NBEA: variants seen among roughly 807,000 people sequenced by gnomAD.
NBEA encodes the protein neurobeachin.
In NBEA, 44 loss-of-function variants were observed where a neutral mutation model predicts 343.4. The ratio of observed to expected loss-of-function variants is 0.13; its 90% CI spans 0.10 to 0.16. The LOEUF (loss-of-function observed/expected upper bound fraction) is 0.16, where lower values mean the gene tolerates loss of function less well. Among genes scored for constraint, NBEA ranks in the 10% least tolerant of loss-of-function variants. The pLI, the probability that NBEA is intolerant of heterozygous loss-of-function variation, is 1.00. For missense variants in NBEA, 2,555 were observed against 3,631.3 expected (o/e 0.70, Z 7.62); for synonymous variants, 1,175 against 1,238.7 (o/e 0.95, Z 1.08).
chr13:35,049,697 C>G lies in NBEA; in HGVS notation c.846-572C>G, dbSNP rs1410286759. On this transcript the variant is annotated intron_variant, in intron 5 of 58. Coordinates refer to ENST00000379939, the MANE Select transcript of NBEA (RefSeq NM_001385012.1). ...CATTTTTCAGTGATTAAACATTTTT[C>G]TACATCGTGATAAATTTACAGCTAA... 9.9e-5 allele frequency among the ~76,000 whole-genome samples: 15 copies of G among 151,850 alleles called. No individual in the cohort carries two copies. The East Asian group carries it at 2.9e-3, about 29-fold the overall frequency.
rs73488140 is a variant in NBEA, at chr13:34,949,212, A to C, written c.294+6098A>C. Reference sequence around the variant, plus strand: ...GCCTCCTCACCCAGTTTATTGTTTCACATTGCTTCAAGGAAGATCATTAAG... The same window carrying C: ...GCCTCCTCACCCAGTTTATTGTTTCCCATTGCTTCAAGGAAGATCATTAAG... On this transcript the variant is annotated intron_variant, in intron 1 of 58. Coordinates refer to ENST00000379939, the MANE Select transcript of NBEA (RefSeq NM_001385012.1). Among the ~76,000 whole-genome samples, 968 of 152,270 alleles carry C rather than the reference A, an allele frequency of 6.4e-3. 11 individuals are homozygous for C. Among genetic ancestry groups the C allele is most frequent in the African/African-American group, 0.022 (927 of 41,554 alleles).
At chr13:35,266,648 TAG>T (rs1324316591) in intron 34 of NBEA, among the ~76,000 whole-genome samples, 1 of 151,718 alleles carries the variant, frequency 6.6e-6, no homozygotes, top group Admixed American at 6.6e-5. Context: ...CTCATAGGTA[TAG>T]AGAGTGGAAT....
chr13:35,367,597 T>G (rs541099928), intron 38 of NBEA, among the ~76,000 whole-genome samples: 1 of 151,290 alleles, frequency 6.6e-6, no homozygotes, highest in Non-Finnish European at 1.5e-5. Flanking sequence ...TTACCATTAT[T>G]CAGTAAGTAG....
chr13:35,292,114 G>C (rs987395066), intron 35 of NBEA, among the ~76,000 whole-genome samples: 2 of 151,794 alleles, frequency 1.3e-5, no homozygotes. Context: ...TATTTTTAAT[G>C]AAACAAATAA....
chr13:35,549,796 G>C (rs1020058182), intron 41 of NBEA, among the ~76,000 whole-genome samples: 4 of 152,204 alleles, frequency 2.6e-5, no homozygotes, highest in African/African-American at 9.7e-5. Context: ...AAGGGAATTT[G>C]GGGAAGCAGG....
chr13:35,246,844 C>G (rs2031276633), intron 34 of NBEA, among the ~76,000 whole-genome samples: 1 of 152,078 alleles, frequency 6.6e-6, no homozygotes, highest in Non-Finnish European at 1.5e-5. Flanking sequence ...GGGCAGGGCC[C>G]TAGATCTCCA....
Position 35,654,813 on chromosome 13 carries a change from T to A in NBEA, c.8036-42T>A, listed in dbSNP as rs2084733634. On this transcript the variant is annotated intron_variant, in intron 53 of 58. Transcript: ENST00000379939. Reference sequence around the variant, plus strand: ...TTCTTTGAGTGCTTGGCAAAACTCATATGGAATCTTTCTTCAAATGCTTTT... The same window carrying A: ...TTCTTTGAGTGCTTGGCAAAACTCAAATGGAATCTTTCTTCAAATGCTTTT... The A allele has an allele frequency of 6.6e-6, 10 of 1,520,306 alleles. No homozygotes were observed. The East Asian group carries it at 2.5e-4, about 38-fold the overall frequency. 94.2% of individuals were successfully genotyped at this position (1,520,306 alleles called of 1,614,324 possible). A position where few individuals can be genotyped will look rare whatever the true frequency, so the allele number is the denominator to read the frequency against.
intron 25 of NBEA, among the ~76,000 whole-genome samples, chr13:35,170,090 G>A (rs570114957): frequency 3.3e-5 from 5 of 151,828 alleles, no homozygotes; most frequent in African/African-American, 7.2e-5. Flanking sequence ...GCTTGTAGTA[G>A]CCACCTATCC....
At position 35,252,270 on chromosome 13, in the gene NBEA, C is replaced by G. The variant is rs150867466; in HGVS notation, c.5776+19651C>G. Reference sequence around the variant, plus strand: ...AGAACCCCTTATGAAACCATCAGATCTCATGAGAAGTCACTGTCCCGTGAA... The same window carrying G: ...AGAACCCCTTATGAAACCATCAGATGTCATGAGAAGTCACTGTCCCGTGAA... On this transcript the variant is annotated intron_variant, in intron 34 of 58. Coordinates refer to ENST00000379939, the MANE Select transcript of NBEA (RefSeq NM_001385012.1). Among the ~76,000 whole-genome samples the G allele has an allele frequency of 4.6e-3, 698 of 152,298 alleles. 6 individuals carry two copies. The highest frequency in any genetic ancestry group is 0.02 in the Middle Eastern group (6 of 294).
intron 1 of NBEA, among the ~76,000 whole-genome samples, chr13:34,948,756 A>G (rs918458654): frequency 6.6e-6 from 1 of 152,112 alleles, no homozygotes; most frequent in Admixed American, 6.6e-5. Context: ...ATCTTTGTCA[A>G]TGGAACTACT....
intron 1 of NBEA, among the ~76,000 whole-genome samples, chr13:34,986,086 G>A (rs1438658245): frequency 6.6e-6 from 1 of 150,492 alleles, no homozygotes; most frequent in African/African-American, 2.4e-5. Flanking sequence ...GCTTTTGAAT[G>A]TGTTTGCTCT....
intron 7 of NBEA, among the ~76,000 whole-genome samples, chr13:35,056,799 G>A (rs1054299139): frequency 6.6e-6 from 1 of 152,136 alleles, no homozygotes; most frequent in African/African-American, 2.4e-5. Flanking sequence ...ATCTTACTCA[G>A]CTTAAAAATC....
At chr13:35,005,485 C>G (rs988511652) in intron 1 of NBEA, among the ~76,000 whole-genome samples, 5 of 152,118 alleles carry the variant, frequency 3.3e-5, no homozygotes, top group African/African-American at 1.2e-4. Flanking sequence ...TAATCTCTGA[C>G]CCTGTAAACT....
intron 41 of NBEA, among the ~76,000 whole-genome samples, chr13:35,498,261 T>G (rs2076757685): frequency 6.6e-6 from 1 of 152,094 alleles, no homozygotes. Flanking sequence ...TCTTGTTTTT[T>G]TATATGTCCA....
intron 30 of NBEA, among the ~76,000 whole-genome samples, chr13:35,189,052 T>C (rs1016165813): frequency 1.3e-5 from 2 of 151,612 alleles, no homozygotes; most frequent in Admixed American, 1.3e-4. Context: ...CTGAGTAGCT[T>C]GGATTACAGG....
At position 35,304,424 on chromosome 13, in the gene NBEA, G is replaced by T. The variant is rs2152828475; in HGVS notation, c.5839-5104G>T. 1.3e-5 allele frequency among the ~76,000 whole-genome samples: 2 copies of T among 151,914 alleles called. 1 individual carries two copies. The highest frequency in any genetic ancestry group is 4.2e-4 in the South Asian group (2 of 4,810). On this transcript the variant is annotated intron_variant, in intron 35 of 58. Coordinates refer to ENST00000379939, the MANE Select transcript of NBEA (RefSeq NM_001385012.1). Reference sequence around the variant, plus strand: ...GACTGGAGTGCATTGGCGCGGTATTGGCTCACTGCAACCTCTGCCTCCTGA... The same window carrying T: ...GACTGGAGTGCATTGGCGCGGTATTTGCTCACTGCAACCTCTGCCTCCTGA...
At chr13:34,947,517 C>T (rs780200560) in intron 1 of NBEA, among the ~76,000 whole-genome samples, 3 of 151,872 alleles carry the variant, frequency 2.0e-5, no homozygotes, top group Non-Finnish European at 4.4e-5. Context: ...ATATACTGAA[C>T]ATATTGTTAT....
intron 1 of NBEA, among the ~76,000 whole-genome samples, chr13:34,960,948 G>C (rs1340342635): frequency 6.6e-6 from 1 of 152,114 alleles, no homozygotes; most frequent in Non-Finnish European, 1.5e-5. Context: ...ATGACAAACT[G>C]TCACTCAGTG....
chr13:35,585,805 G>T (rs2153039686), intron 46 of NBEA, among the ~76,000 whole-genome samples: 1 of 152,196 alleles, frequency 6.6e-6, no homozygotes. Flanking sequence ...CTTTTTCCTA[G>T]ATATTTTCTC....
Sources: allele counts gnomAD v4.1 joint callset (sites outside exome capture counted in the v4.1 genomes callset), GRCh38; gene constraint gnomAD v4.1.1; transcripts MANE v1.5; gene names NCBI Gene and HGNC (gene_info 2026-07-23, HGNC 2026-07-21).